KCNQ3: variants seen among roughly 807,000 people sequenced by gnomAD.
KCNQ3 encodes potassium voltage-gated channel subfamily Q member 3.
KCNQ3 carries 30 observed loss-of-function variants against 92.5 expected under a neutral mutation model. The observed-to-expected ratio is 0.32, with a 90% CI of 0.24 to 0.44. KCNQ3 has a LOEUF of 0.44. Among genes scored for constraint, KCNQ3 ranks in the 20% least tolerant of loss-of-function variants. The probability of loss-of-function intolerance (pLI) is 1.00; values close to 1 mark genes in which losing one functional copy is unlikely to be tolerated. For missense variants in KCNQ3, 913 were observed against 1,140.3 expected, an observed-to-expected ratio of 0.80 and a Z score of 2.87; for synonymous variants, 450 against 468.8, an observed-to-expected ratio of 0.96 and a Z score of 0.52.
intron 9 of KCNQ3, among the ~76,000 whole-genome samples, chr8:132,149,175 G>A (rs997969329): frequency 2.6e-5 from 4 of 152,216 alleles, no homozygotes; most frequent in Admixed American, 2.0e-4. Context: ...ATATAGAATT[G>A]ATAGATGCAG....
chr8:132,242,352 C>T (rs1012632128), intron 1 of KCNQ3, among the ~76,000 whole-genome samples: 1 of 152,194 alleles, frequency 6.6e-6, no homozygotes, highest in African/African-American at 2.4e-5. Flanking sequence ...CCAGGGACCA[C>T]TTGTGATGTG....
intron 9 of KCNQ3, among the ~76,000 whole-genome samples, chr8:132,146,950 C>T (rs944304016): frequency 6.6e-6 from 1 of 152,012 alleles, no homozygotes; most frequent in Non-Finnish European, 1.5e-5. Flanking sequence ...GAGCTGTTGC[C>T]CCTGGCCGAG....
At chr8:132,168,314 A>T (rs1826199755) in intron 8 of KCNQ3, among the ~76,000 whole-genome samples, 1 of 152,164 alleles carries the variant, frequency 6.6e-6, no homozygotes, top group African/African-American at 2.4e-5. Context: ...TGAAAAGTAG[A>T]TCTACTGATG....
At chr8:132,224,541 C>T (rs1201380498) in intron 1 of KCNQ3, among the ~76,000 whole-genome samples, 1 of 152,098 alleles carries the variant, frequency 6.6e-6, no homozygotes, top group Admixed American at 6.6e-5. Context: ...GACTCACAAA[C>T]TTCTCCATCA....
At chr8:132,247,965 G>A (rs185716839) in intron 1 of KCNQ3, among the ~76,000 whole-genome samples, 37 of 100,026 alleles carry the variant, frequency 3.7e-4, no homozygotes, top group African/African-American at 1.1e-3. Context: ...CCCCAGGAGT[G>A]AGCACTATTA....
chr8:132,447,289 TA>T, intron 1 of KCNQ3: 6 of 1,525,464 alleles, frequency 3.9e-6, no homozygotes, highest in Non-Finnish European at 5.3e-6. Context: ...GAAATAACCC[TA>T]AAGCAGGGCA....
chr8:132,420,693 T>A (rs1820942949), intron 1 of KCNQ3, among the ~76,000 whole-genome samples: 1 of 152,218 alleles, frequency 6.6e-6, no homozygotes, highest in South Asian at 2.1e-4. Context: ...GAATAACTAA[T>A]TTGTACCAAA....
intron 1 of KCNQ3, among the ~76,000 whole-genome samples, chr8:132,350,973 C>T (rs535061608): frequency 2.0e-5 from 3 of 152,178 alleles, no homozygotes; most frequent in South Asian, 2.1e-4. Context: ...CAGGTAGCGA[C>T]GCTTCACCCA....
In KCNQ3 at chr8:132,222,312, C is replaced by G. The variant is rs544239909; in HGVS notation, c.387-36131G>C. ...GAGCAAACAATGATACTTGGTATCT[C>G]ACATCCACCCATTGATCTGAAAACC... is the stretch of plus-strand genomic sequence containing the variant. On this transcript the variant is annotated intron_variant, in intron 1 of 14. Coordinates refer to ENST00000388996, the MANE Select transcript of KCNQ3 (RefSeq NM_004519.4). Among the ~76,000 whole-genome samples, 9 of 152,332 alleles carry G rather than the reference C, an allele frequency of 5.9e-5. No homozygotes were observed. In the East Asian group the frequency reaches 1.7e-3, roughly 29 times the overall value.
At chr8:132,478,629 GACAC>G (rs34798998) in intron 1 of KCNQ3, among the ~76,000 whole-genome samples, 77 of 150,854 alleles carry the variant, frequency 5.1e-4, no homozygotes, top group African/African-American at 1.8e-3. Flanking sequence ...CCTGCAAATA[GACAC>G]ACACACACAC....
chr8:132,192,139 A>G (rs1034491934), intron 1 of KCNQ3, among the ~76,000 whole-genome samples: 4 of 152,060 alleles, frequency 2.6e-5, no homozygotes, highest in Non-Finnish European at 5.9e-5. Flanking sequence ...CCAACCACCA[A>G]AATGCAGTTT....
At chr8:132,262,115 A>T (rs1815807173) in intron 1 of KCNQ3, among the ~76,000 whole-genome samples, 1 of 152,226 alleles carries the variant, frequency 6.6e-6, no homozygotes, top group Admixed American at 6.5e-5. Flanking sequence ...ACAAATGGAC[A>T]ATTTCATCAT....
chr8:132,278,319 AAAAATGAAAAG>A lies in KCNQ3; in HGVS notation c.387-92149_387-92139del, dbSNP rs1297858997. On this transcript the variant is annotated intron_variant, in intron 1 of 14. Transcript: ENST00000388996. ...TATGGCCAAAGGAAAAAAAAAGAAG[AAAAATGAAAAG>A]AAAGAAACAAGATTAATCCCACAAT... 3 of 515,524 alleles carry A rather than the reference AAAAATGAAAAG, an allele frequency of 5.8e-6. No individual in the cohort carries two copies. The African/African-American group carries it at 6.2e-5, about 11-fold the overall frequency. 31.9% of individuals were successfully genotyped at this position (515,524 alleles called of 1,614,324 possible).
intron 1 of KCNQ3, among the ~76,000 whole-genome samples, chr8:132,325,802 C>T (rs1341396352): frequency 1.3e-5 from 2 of 152,172 alleles, no homozygotes; most frequent in East Asian, 3.9e-4. Flanking sequence ...ATCAGACATC[C>T]AGCTTCTGCT....
At chr8:132,170,548 A>C (rs1826298089) in intron 7 of KCNQ3, 120 bp from the exon 8 acceptor site, 1 of 705,028 alleles carries the variant, frequency 1.4e-6, no homozygotes. Context: ...ATGTGCATTG[A>C]GCCAACATTC....
chr8:132,359,854 C>T (rs1262973605), intron 1 of KCNQ3, among the ~76,000 whole-genome samples: 2 of 152,216 alleles, frequency 1.3e-5, no homozygotes, highest in South Asian at 2.1e-4. Context: ...TGCACTGCCA[C>T]ATCTGCCAAC....
intron 1 of KCNQ3, among the ~76,000 whole-genome samples, chr8:132,457,443 C>A (rs1821967737): frequency 6.6e-6 from 1 of 152,218 alleles, no homozygotes. Flanking sequence ...TACCCCAACC[C>A]TCCCACTTCC....
At chr8:132,146,804 G>T (rs958568257) in intron 9 of KCNQ3, among the ~76,000 whole-genome samples, 4 of 152,176 alleles carry the variant, frequency 2.6e-5, no homozygotes, top group Admixed American at 1.3e-4. Flanking sequence ...GGCCAGATTA[G>T]TTTCAAACAA....
chr8:132,480,893 G>A lies in KCNQ3; in HGVS notation c.-361C>T, dbSNP rs912620008. ...GCTCCGGGGCGGCGGCGGCGGCGGC[G>A]GCACCCAGGCCGGCGAGCCCAAGAC... On this transcript the variant is annotated 5_prime_UTR_variant, in exon 1 of 15. Transcript: ENST00000388996. 6.5e-6 allele frequency: 1 copy of A among 153,926 alleles called. No individual in the cohort carries two copies. Among genetic ancestry groups the A allele is most frequent in the Non-Finnish European group, 1.4e-5 (1 of 71,154 alleles). 9.5% of individuals were successfully genotyped at this position (153,926 alleles called of 1,614,324 possible).
Sources: allele counts gnomAD v4.1 joint callset (sites outside exome capture counted in the v4.1 genomes callset), GRCh38; gene constraint gnomAD v4.1.1; transcripts MANE v1.5; gene names NCBI Gene and HGNC (gene_info 2026-07-23, HGNC 2026-07-21).